The following ERC2 variants were observed in gnomAD, a reference collection of about 807,000 sequenced individuals.
The protein encoded by ERC2 is ELKS/RAB6-interacting/CAST family member 2.
In ERC2, 42 loss-of-function variants were observed where a neutral mutation model predicts 114.8. The observed-to-expected ratio is 0.37, with a 90% CI of 0.29 to 0.47. The LOEUF (loss-of-function observed/expected upper bound fraction) is 0.47. Ranked by LOEUF, ERC2 falls within the 20% of genes least tolerant of loss-of-function variation. The pLI, the probability that ERC2 is intolerant of heterozygous loss-of-function variation, is 0.99. For missense variants in ERC2, 939 were observed against 1,150.7 expected (o/e 0.82, Z 2.66); for synonymous variants, 454 against 425.5 (o/e 1.07, Z -0.82).
At chr3:55,953,405 T>C (rs186809393) in intron 12 of ERC2, among the ~76,000 whole-genome samples, 1 of 152,308 alleles carries the variant, frequency 6.6e-6, no homozygotes, top group African/African-American at 2.4e-5. Flanking sequence ...TGGATGAGAA[T>C]GATCATCTTG....
intron 13 of ERC2, among the ~76,000 whole-genome samples, chr3:55,931,457 A>G (rs1483724171): frequency 6.6e-6 from 1 of 152,230 alleles, no homozygotes; most frequent in Non-Finnish European, 1.5e-5. Context: ...TTTCAGGGAC[A>G]TGGATGAAGC....
At chr3:55,733,515 CTCTG>C (rs2065409257) in intron 15 of ERC2, among the ~76,000 whole-genome samples, 2 of 105,426 alleles carry the variant, frequency 1.9e-5, no homozygotes, top group East Asian at 3.0e-4. Flanking sequence ...CTCTCATTCT[CTCTG>C]TCTCTCATTC....
At chr3:55,748,824 T>C (rs891500528) in intron 14 of ERC2, among the ~76,000 whole-genome samples, 1 of 152,162 alleles carries the variant, frequency 6.6e-6, no homozygotes, top group African/African-American at 2.4e-5. Flanking sequence ...TCATAGCTAC[T>C]AGGCCGAATA....
chr3:56,368,839 GT>G (rs1453957364), intron 2 of ERC2, among the ~76,000 whole-genome samples: 4 of 151,946 alleles, frequency 2.6e-5, no homozygotes, highest in Non-Finnish European at 4.4e-5. Context: ...AAAAAAACCT[GT>G]TTTTGAATCT....
chr3:56,277,442 AC>A (rs2054076056), intron 3 of ERC2, among the ~76,000 whole-genome samples: 1 of 151,804 alleles, frequency 6.6e-6, no homozygotes, highest in Non-Finnish European at 1.5e-5. Flanking sequence ...TCCTCCCAAA[AC>A]CCTGCCTCCC....
chr3:55,669,732 G>A (rs912890893), intron 17 of ERC2, among the ~76,000 whole-genome samples: 3 of 152,166 alleles, frequency 2.0e-5, no homozygotes, highest in Admixed American at 1.3e-4. Context: ...GACTCTTCGA[G>A]AGCTATATCC....
intron 4 of ERC2, among the ~76,000 whole-genome samples, chr3:56,160,022 G>A (rs1305800882): frequency 6.6e-6 from 1 of 152,108 alleles, no homozygotes; most frequent in East Asian, 1.9e-4. Context: ...TGGGTAATGG[G>A]ATTGCTGGGT....
At position 56,404,155 on chromosome 3, in the gene ERC2, G is replaced by A. The variant is rs553302539; in HGVS notation, c.657+30196C>T. 2.5e-4 allele frequency among the ~76,000 whole-genome samples: 38 copies of A among 152,266 alleles called. No homozygotes were observed. The East Asian group carries it at 5.6e-3, about 22-fold the overall frequency. The stretch of plus-strand genomic sequence containing the variant: ...TATTCCATGTAAATGACTGAATCAC[G>A]TAAACAGTGAAGAAAAGTATTAGAC... On this transcript the variant is annotated intron_variant, in intron 2 of 17. Transcript: ENST00000288221.
At chr3:56,026,456 AAC>A (rs2074058310) in intron 7 of ERC2, among the ~76,000 whole-genome samples, 5 of 152,174 alleles carry the variant, frequency 3.3e-5, no homozygotes, top group Admixed American at 3.3e-4. Flanking sequence ...TTTAGAAGGC[AAC>A]ATATAGCTGT....
chr3:55,714,639 ATGTGTGTG>A lies in ERC2; in HGVS notation c.2713-15135_2713-15128del, dbSNP rs34850947. Among the ~76,000 whole-genome samples, 281 of 99,750 alleles carry A rather than the reference ATGTGTGTG, an allele frequency of 2.8e-3. 1 individual carries two copies. Among genetic ancestry groups the A allele is most frequent in the Admixed American group, 3.6e-3 (32 of 8,820 alleles). The allele number at this position is 99,750 out of a possible 152,430, so 65.4% of individuals were successfully genotyped here. A position where few individuals can be genotyped will look rare whatever the true frequency, so the allele number is the denominator to read the frequency against. Reference sequence around the variant, plus strand: ...TAAATATATATATGGGTTTGTATATATGTGTGTGTGTGTGTGTGTGTGTGTGTGTATAT... The same window carrying A: ...TAAATATATATATGGGTTTGTATATATGTGTGTGTGTGTGTGTGTGTATAT... On this transcript the variant is annotated intron_variant, in intron 15 of 17. Coordinates refer to ENST00000288221, the MANE Select transcript of ERC2 (RefSeq NM_015576.3).
At chr3:56,101,210 C>A (rs562714165) in intron 6 of ERC2, among the ~76,000 whole-genome samples, 1 of 152,200 alleles carries the variant, frequency 6.6e-6, no homozygotes, top group South Asian at 2.1e-4. Flanking sequence ...CAGGCTGGTG[C>A]GCCTCCAGCC....
At chr3:55,874,652 T>A (rs2062741167) in intron 14 of ERC2, among the ~76,000 whole-genome samples, 1 of 152,128 alleles carries the variant, frequency 6.6e-6, no homozygotes, top group Non-Finnish European at 1.5e-5. Flanking sequence ...TGTACTGGTC[T>A]GAGTCCTGAA....
intron 15 of ERC2, among the ~76,000 whole-genome samples, chr3:55,715,709 C>A (rs753118618): frequency 6.6e-6 from 1 of 152,110 alleles, no homozygotes; most frequent in Non-Finnish European, 1.5e-5. Flanking sequence ...TATTTAGGAA[C>A]AGACATGATT....
chr3:56,398,173 T>C (rs531169105), intron 2 of ERC2, among the ~76,000 whole-genome samples: 13 of 152,262 alleles, frequency 8.5e-5, no homozygotes, highest in Non-Finnish European at 1.8e-4. Context: ...TTACTTCCAA[T>C]GCTGTGAAAT....
chr3:55,694,732 T>C (rs931279772), intron 16 of ERC2, among the ~76,000 whole-genome samples: 7 of 152,264 alleles, frequency 4.6e-5, no homozygotes, highest in Admixed American at 4.6e-4. Flanking sequence ...CCAACTAGAA[T>C]CAGAGCGGCA....
At chr3:56,359,489 T>C (rs1388791244) in intron 2 of ERC2, among the ~76,000 whole-genome samples, 8 of 152,258 alleles carry the variant, frequency 5.3e-5, no homozygotes, top group South Asian at 2.1e-4. Flanking sequence ...CTCAATGTTG[T>C]TGTCTCTAAT....
intron 12 of ERC2, among the ~76,000 whole-genome samples, chr3:55,968,220 A>G (rs966643916): frequency 6.6e-6 from 1 of 152,124 alleles, no homozygotes; most frequent in Non-Finnish European, 1.5e-5. Flanking sequence ...GTGAAATGAC[A>G]AGGAACAGTA....
chr3:56,055,765 A>G (rs1020402913), intron 7 of ERC2, among the ~76,000 whole-genome samples: 3 of 152,064 alleles, frequency 2.0e-5, no homozygotes, highest in Non-Finnish European at 4.4e-5. Flanking sequence ...ATTCCATCCC[A>G]ACTTCTTGGC....
intron 3 of ERC2, among the ~76,000 whole-genome samples, chr3:56,197,897 T>A (rs2150086514): frequency 6.6e-6 from 1 of 152,342 alleles, no homozygotes; most frequent in South Asian, 2.1e-4. Context: ...CATACTCTAG[T>A]TTTGACTTCA....
Sources: gnomAD v4.1 joint callset for allele counts (sites outside exome capture counted in the v4.1 genomes callset) on GRCh38, gnomAD v4.1.1 for gene constraint, MANE v1.5 for transcripts, NCBI Gene and HGNC (gene_info 2026-07-23, HGNC 2026-07-21) for gene names.